BRAF: variants seen among roughly 807,000 people sequenced by gnomAD.
BRAF encodes the protein B-Raf proto-oncogene, serine/threonine kinase.
A neutral mutation model predicts 104.6 loss-of-function variants in BRAF; 16 were observed. That is an observed-to-expected ratio of 0.15 (90% CI 0.10 to 0.23). The LOEUF (loss-of-function observed/expected upper bound fraction) is 0.23, where lower values mean the gene tolerates loss of function less well. Ranked by LOEUF, BRAF falls within the 10% of genes least tolerant of loss-of-function variation. The pLI is 1.00. For missense variants in BRAF, 541 were observed against 937.3 expected, an observed-to-expected ratio of 0.58 and a Z score of 5.52; for synonymous variants, 310 against 341.6, an observed-to-expected ratio of 0.91 and a Z score of 1.02.
At chr7:140,761,084 C>T (rs369215116) in intron 14 of BRAF, among the ~76,000 whole-genome samples, 5 of 152,196 alleles carry the variant, frequency 3.3e-5, no homozygotes, top group South Asian at 4.2e-4. Context: ...AGACACATAA[C>T]TGTCAGATTC....
chr7:140,911,145 G>A (rs1816927813), intron 1 of BRAF, among the ~76,000 whole-genome samples: 1 of 148,688 alleles, frequency 6.7e-6, no homozygotes, highest in Non-Finnish European at 1.5e-5. Context: ...TTAAGTATTA[G>A]ACAGTATTAT....
Position 140,722,556 on chromosome 7 carries a change from G to A in BRAF, c.*3938C>T, listed in dbSNP as rs185896382. The stretch of plus-strand genomic sequence containing the variant: ...AGTAAACCTTCCATCTCTGGCTATG[G>A]TGTTTATAGCCTAATGGTTGGAATC... On this transcript the variant is annotated 3_prime_UTR_variant, in exon 20 of 20. Coordinates refer to ENST00000644969, the MANE Select transcript of BRAF (RefSeq NM_001374258.1). 1 of 1,056,592 alleles carries A rather than the reference G, an allele frequency of 9.5e-7. No homozygotes were observed. The highest frequency in any genetic ancestry group is 5.3e-5 in the East Asian group (1 of 18,954). The allele number at this position is 1,056,592 out of a possible 1,614,324, so 65.5% of individuals were successfully genotyped here.
chr7:140,804,391 G>A (rs561219185), intron 5 of BRAF, among the ~76,000 whole-genome samples: 1 of 147,288 alleles, frequency 6.8e-6, no homozygotes, highest in African/African-American at 2.6e-5. Flanking sequence ...TTTTAGTAGA[G>A]ACAGGTTTTT....
intron 17 of BRAF, among the ~76,000 whole-genome samples, chr7:140,744,668 CA>C (rs1797205111): frequency 6.6e-6 from 1 of 151,802 alleles, no homozygotes; most frequent in Middle Eastern, 3.2e-3. Flanking sequence ...TGGAAAGAAT[CA>C]ATACTAAGTC....
intron 5 of BRAF, among the ~76,000 whole-genome samples, chr7:140,805,661 A>C (rs1453480608): frequency 1.3e-5 from 2 of 152,178 alleles, no homozygotes; most frequent in African/African-American, 4.8e-5. Flanking sequence ...GTGTGAAGGA[A>C]GACACTGAGT....
chr7:140,863,098 T>C lies in BRAF; in HGVS notation c.139-12886A>G, dbSNP rs577477322. 1.1e-4 allele frequency among the ~76,000 whole-genome samples: 16 copies of C among 152,218 alleles called. No homozygotes were observed. In the South Asian group the frequency reaches 1.4e-3, roughly 14 times the overall value. On this transcript the variant is annotated intron_variant, in intron 1 of 19. Coordinates refer to ENST00000644969, the MANE Select transcript of BRAF (RefSeq NM_001374258.1). ...GACCTAGCAATTCCACTTCTAAGAATTTTACCAATCTCTCACAAAATTGGA... is the reference window on the plus strand; with the variant it reads ...GACCTAGCAATTCCACTTCTAAGAACTTTACCAATCTCTCACAAAATTGGA...
chr7:140,876,972 G>T (rs1812337469), intron 1 of BRAF, among the ~76,000 whole-genome samples: 1 of 151,700 alleles, frequency 6.6e-6, no homozygotes, highest in South Asian at 2.1e-4. Context: ...ACTAGAAATA[G>T]AAAGTTAATA....
At chr7:140,825,176 G>GC (rs1805894338) in intron 3 of BRAF, among the ~76,000 whole-genome samples, 1 of 151,740 alleles carries the variant, frequency 6.6e-6, no homozygotes, top group Non-Finnish European at 1.5e-5. Flanking sequence ...CACCATCTTG[G>GC]CCAGGCTGGT....
chr7:140,733,949 G>A, intron 19 of BRAF: 2 of 969,982 alleles, frequency 2.1e-6, no homozygotes, highest in Non-Finnish European at 2.5e-6. Context: ...CCGAAGTTAA[G>A]ACATTTTACT....
intron 6 of BRAF, chr7:140,801,105 T>C (rs1416341647): frequency 1.1e-5 from 3 of 269,342 alleles, no homozygotes; most frequent in Non-Finnish European, 2.1e-5. Flanking sequence ...TAATGCTTAA[T>C]TTAATTGAAA....
intron 4 of BRAF, chr7:140,808,454 T>A: frequency 1.7e-5 from 3 of 176,204 alleles, no homozygotes; most frequent in Non-Finnish European, 1.2e-5. Context: ...CCCAAAATAA[T>A]TTTTTTTTTT....
intron 3 of BRAF, among the ~76,000 whole-genome samples, chr7:140,827,078 ATCCC>A (rs1806142599): frequency 2.6e-5 from 4 of 152,068 alleles, no homozygotes; most frequent in Admixed American, 2.0e-4. Context: ...TTTTTCCTCT[ATCCC>A]CTGTGTTTCT....
At chr7:140,739,737 T>C in intron 18 of BRAF, 75 bp downstream of exon 17, 2 of 1,553,432 alleles carry the variant, frequency 1.3e-6, no homozygotes, top group Non-Finnish European at 1.8e-6. Context: ...ACACACTGTG[T>C]GCCCAAAAAA....
intron 1 of BRAF, among the ~76,000 whole-genome samples, chr7:140,886,778 G>A (rs949720092): frequency 2.0e-5 from 3 of 152,158 alleles, no homozygotes; most frequent in Non-Finnish European, 2.9e-5. Flanking sequence ...GTGTATGTAT[G>A]TATTTTTTAA....
intron 14 of BRAF, among the ~76,000 whole-genome samples, chr7:140,757,444 C>A (rs1034289342): frequency 3.3e-5 from 5 of 152,112 alleles, no homozygotes; most frequent in African/African-American, 1.2e-4. Context: ...CGCGCGCCAC[C>A]ATGCCCAGCT....
rs547061908 is a variant in BRAF, at chr7:140,854,131, G to A, written c.139-3919C>T. ...ACTACAGGCACGCAGCAGCACACCT[G>A]GCTAATTTTTGTATTTTTAGTAGAG... is the stretch of plus-strand genomic sequence containing the variant. On this transcript the variant is annotated intron_variant, in intron 1 of 19. Transcript: ENST00000644969. Among the ~76,000 whole-genome samples, 9 of 152,180 alleles carry A rather than the reference G, an allele frequency of 5.9e-5. No individual in the cohort carries two copies. In the East Asian group the frequency reaches 1.7e-3, roughly 29 times the overall value.
chr7:140,898,468 CAATTT>C lies in BRAF; in HGVS notation c.138+26093_138+26097del, dbSNP rs1175204448. On this transcript the variant is annotated intron_variant, in intron 1 of 19. Transcript: ENST00000644969. ...AATCTACAAATGGCATGTCTATAAA[CAATTT>C]AAGAAAAAACCCAAAGGCTAACATA... is the stretch of plus-strand genomic sequence containing the variant. Among the ~76,000 whole-genome samples the C allele has an allele frequency of 2.0e-5, 3 of 152,202 alleles. No individual in the cohort carries two copies. The East Asian group carries it at 5.8e-4, about 29-fold the overall frequency.
intron 10 of BRAF, 171 bp from the exon 10 acceptor site, chr7:140,783,328 C>T: frequency 1.4e-6 from 1 of 717,850 alleles, no homozygotes; most frequent in Non-Finnish European, 2.2e-6. Flanking sequence ...GTGATTACAA[C>T]TATAATTTCT....
intron 1 of BRAF, among the ~76,000 whole-genome samples, chr7:140,885,423 A>C (rs1331417439): frequency 1.3e-5 from 2 of 152,260 alleles, no homozygotes; most frequent in South Asian, 2.1e-4. Context: ...CATACATCCT[A>C]TAACTACTAC....
Sources: allele counts gnomAD v4.1 joint callset (sites outside exome capture counted in the v4.1 genomes callset), GRCh38; gene constraint gnomAD v4.1.1; transcripts MANE v1.5; gene names NCBI Gene and HGNC (gene_info 2026-07-23, HGNC 2026-07-21).